PIWIL4: variants seen among roughly 807,000 people sequenced by gnomAD.
The protein encoded by PIWIL4 is piwi-like protein 4.
PIWIL4 carries 50 observed loss-of-function variants against 100.9 expected under a neutral mutation model. That is an observed-to-expected ratio of 0.50 (90% CI 0.39 to 0.63). PIWIL4 has a LOEUF of 0.63. Ranked by LOEUF, PIWIL4 falls within the 20% of genes least tolerant of loss-of-function variation. PIWIL4 has a pLI of 0.00. For missense variants in PIWIL4, 887 were observed against 1,043.3 expected (o/e 0.85, Z 2.06); for synonymous variants, 342 against 367.5 (o/e 0.93, Z 0.79).
Position 94,616,576 on chromosome 11 carries a change from T to C in PIWIL4, c.2014+13T>C. ...GTTTTCATGACTGGTACTAAAAATA[T>C]AGCAATGTGGGTGGGCTCCAAGGAC... On this transcript the variant is annotated intron_variant, in intron 16 of 19. Coordinates refer to ENST00000299001, the MANE Select transcript of PIWIL4 (RefSeq NM_152431.3). 1 of 1,591,002 alleles carries C rather than the reference T, an allele frequency of 6.3e-7. No individual in the cohort carries two copies. The highest frequency in any genetic ancestry group is 8.6e-7 in the Non-Finnish European group (1 of 1,164,730).
chr11:94,608,044 C>T (rs773020200), intron 14 of PIWIL4: 4 of 190,816 alleles, frequency 2.1e-5, no homozygotes, highest in Admixed American at 5.4e-5. Context: ...AGAAAATCCT[C>T]TTCTCTTCCC....
chr11:94,572,792 G>A (rs1033044386), intron 2 of PIWIL4, among the ~76,000 whole-genome samples: 6 of 152,192 alleles, frequency 3.9e-5, no homozygotes, highest in Admixed American at 2.6e-4. Context: ...GGTTCCATAT[G>A]AACTATAAAG....
chr11:94,594,454 A>T (rs1406797949), intron 9 of PIWIL4, among the ~76,000 whole-genome samples: 2 of 143,350 alleles, frequency 1.4e-5, no homozygotes, highest in African/African-American at 5.6e-5. Context: ...TGACAGAGCA[A>T]GACTCTGTCT....
At chr11:94,619,431 C>T (rs905321376) in intron 17 of PIWIL4, among the ~76,000 whole-genome samples, 1 of 152,040 alleles carries the variant, frequency 6.6e-6, no homozygotes, top group African/African-American at 2.4e-5. Context: ...TAATCACACA[C>T]ACACACATCT....
intron 4 of PIWIL4, among the ~76,000 whole-genome samples, chr11:94,580,182 G>C (rs951141278): frequency 6.6e-6 from 1 of 152,138 alleles, no homozygotes; most frequent in African/African-American, 2.4e-5. Flanking sequence ...CCCAGATATA[G>C]GGGATACTAG....
chr11:94,567,428 G>C lies in PIWIL4; in HGVS notation c.-91G>C. The C allele has an allele frequency of 2.5e-6, 3 of 1,195,968 alleles. No homozygotes were observed. The highest frequency in any genetic ancestry group is 3.4e-5 in the South Asian group (2 of 58,160). The allele number at this position is 1,195,968 out of a possible 1,614,324, so 74.1% of individuals were successfully genotyped here. A position where few individuals can be genotyped will look rare whatever the true frequency, so the allele number is the denominator to read the frequency against. On this transcript the variant is annotated 5_prime_UTR_variant, in exon 1 of 20. Coordinates refer to ENST00000299001, the MANE Select transcript of PIWIL4 (RefSeq NM_152431.3). ...ACATCCACCGCCTCCAGGCAGTTTC[G>C]CCGTCACACCGTCGCCATCTGTAGC...
chr11:94,571,274 A>C (rs1439804220), intron 2 of PIWIL4, among the ~76,000 whole-genome samples: 2 of 152,012 alleles, frequency 1.3e-5, no homozygotes, highest in Non-Finnish European at 2.9e-5. Flanking sequence ...TTTATTTAAA[A>C]ATTTTTTATT....
chr11:94,573,305 G>C (rs1369121762), intron 2 of PIWIL4, among the ~76,000 whole-genome samples: 2 of 152,110 alleles, frequency 1.3e-5, no homozygotes, highest in Non-Finnish European at 2.9e-5. Context: ...GATTGCCCTG[G>C]CCAGAACTTC....
intron 19 of PIWIL4, among the ~76,000 whole-genome samples, chr11:94,620,574 A>G (rs112334084): frequency 1.3e-5 from 2 of 152,264 alleles, no homozygotes; most frequent in African/African-American, 4.8e-5. Context: ...GCCAAGCCCA[A>G]GGTTTGCACG....
At chr11:94,589,256 C>CT in intron 8 of PIWIL4, 24 bp downstream of exon 8, 1 of 1,531,880 alleles carries the variant, frequency 6.5e-7, no homozygotes, top group Non-Finnish European at 9.0e-7. Context: ...TCATGCATCT[C>CT]TATCTCCTTT....
intron 14 of PIWIL4, 127 bp from the exon 15 acceptor site, chr11:94,608,455 TC>T (rs1948749228): frequency 2.9e-6 from 2 of 694,794 alleles, no homozygotes; most frequent in African/African-American, 3.6e-5. Context: ...GATCTCAATC[TC>T]CCTTACACAT....
rs137892480 is a variant in PIWIL4 at position 94,574,182 on chromosome 11, A to C, written c.167-817A>C. Among the ~76,000 whole-genome samples, 312 of 152,352 alleles carry C rather than the reference A, an allele frequency of 2.0e-3. 2 individuals are homozygous for C. The highest frequency in any genetic ancestry group is 7.1e-3 in the African/African-American group (296 of 41,572). ...CAGATTTTAATTTCATGTTTTCTAG[A>C]AGCTGTCAGTAAGTGATATGCCCTG... On this transcript the variant is annotated intron_variant, in intron 2 of 19. Coordinates refer to ENST00000299001, the MANE Select transcript of PIWIL4 (RefSeq NM_152431.3).
intron 1 of PIWIL4, among the ~76,000 whole-genome samples, chr11:94,568,487 C>T (rs1021222330): frequency 6.6e-6 from 1 of 152,142 alleles, no homozygotes; most frequent in South Asian, 2.1e-4. Flanking sequence ...CTTTACACCT[C>T]CAGCTATATC....
At chr11:94,615,451 G>A (rs910654858) in intron 15 of PIWIL4, among the ~76,000 whole-genome samples, 7 of 152,126 alleles carry the variant, frequency 4.6e-5, no homozygotes, top group Non-Finnish European at 8.8e-5. Context: ...GTGCTGGAAC[G>A]TCACCATTGG....
Position 94,619,857 on chromosome 11 carries a change from G to C in PIWIL4, c.2266G>C (p.Val756Leu), listed in dbSNP as rs781215078. 2 of 1,614,120 alleles carry C rather than the reference G, an allele frequency of 1.2e-6. No homozygotes were observed. The highest frequency in any genetic ancestry group is 2.7e-5 in the African/African-American group (2 of 74,946). The change falls in exon 18 of 20, where the codon GTG becomes CTG. Residue 756 changes from valine (V) to leucine (L), a missense_variant. This residue lies in a region of PIWIL4 where 741 missense variants were observed against 930.0 expected (regional missense o/e 0.80). Transcript: ENST00000299001. Reference protein sequence around the residue: ...TVQNPPLGTVVDSEATRNEWY... With the variant: ...TVQNPPLGTVLDSEATRNEWY... ...ACAGAACCCCCCACTTGGCACTGTT[G>C]TGGATTCAGAAGCAACACGTAACGA...
chr11:94,617,883 A>G (rs774530650), intron 16 of PIWIL4, 71 bp from the exon 17 acceptor site: 4 of 1,517,210 alleles, frequency 2.6e-6, no homozygotes, highest in Non-Finnish European at 2.7e-6. Flanking sequence ...AAACACTGCA[A>G]TATATGGGAA....
At chr11:94,587,337 T>C (rs1019036946) in intron 7 of PIWIL4, 90 bp downstream of exon 7, 4 of 1,296,788 alleles carry the variant, frequency 3.1e-6, no homozygotes, top group Non-Finnish European at 4.3e-6. Flanking sequence ...ATTGGCCCAA[T>C]ATCACAGATC....
Position 94,567,384 on chromosome 11 carries a change from C to T in PIWIL4, c.-135C>T, listed in dbSNP as rs1008130991. 5 of 762,918 alleles carry T rather than the reference C, an allele frequency of 6.6e-6. No individual in the cohort carries two copies. Among genetic ancestry groups the T allele is most frequent in the African/African-American group, 3.5e-5 (2 of 56,654 alleles). 47.3% of individuals were successfully genotyped at this position (762,918 alleles called of 1,614,324 possible). A position where few individuals can be genotyped will look rare whatever the true frequency, so the allele number is the denominator to read the frequency against. ...GCCTCGGACGCATTTCCAGCCCCGG[C>T]GTTGGTTGTGGATGCTGGACATCCA... is the stretch of plus-strand genomic sequence containing the variant. On this transcript the variant is annotated 5_prime_UTR_variant, in exon 1 of 20. Coordinates refer to ENST00000299001, the MANE Select transcript of PIWIL4 (RefSeq NM_152431.3).
At chr11:94,583,660 A>G (rs1948358106) in intron 5 of PIWIL4, 91 bp downstream of exon 5, 2 of 1,543,500 alleles carry the variant, frequency 1.3e-6, no homozygotes, top group African/African-American at 2.7e-5. Context: ...TTTTGTAGGC[A>G]GTGTGCCAGC....
Sources: allele counts gnomAD v4.1 joint callset (sites outside exome capture counted in the v4.1 genomes callset), GRCh38; gene constraint gnomAD v4.1.1; regional missense constraint gnomAD v4.1.1; transcripts MANE v1.5; gene names NCBI Gene and HGNC (gene_info 2026-07-23, HGNC 2026-07-21).